Variants in RUNX1T1 observed in about 807,000 individuals in gnomAD.
The protein encoded by RUNX1T1 is protein CBFA2T1.
A neutral mutation model predicts 62.8 loss-of-function variants in RUNX1T1; 4 were observed. The ratio of observed to expected loss-of-function variants is 0.06; its 90% CI spans 0.03 to 0.15. The LOEUF (loss-of-function observed/expected upper bound fraction) is 0.15, where lower values mean the gene tolerates loss of function less well. RUNX1T1 is among the 10% of genes least tolerant of loss of function. The pLI, the probability that RUNX1T1 is intolerant of heterozygous loss-of-function variation, is 1.00. For synonymous variants in RUNX1T1, 291 were observed against 286.0 expected (o/e 1.02, Z -0.18); for missense variants, 508 against 754.3 (o/e 0.67, Z 3.82).
chr8:91,995,241 A>G (rs142869355), intron 5 of RUNX1T1, among the ~76,000 whole-genome samples: 24 of 152,294 alleles, frequency 1.6e-4, no homozygotes, highest in African/African-American at 4.1e-4. Flanking sequence ...TAGATACACA[A>G]TTTATCTTCA....
chr8:92,024,609 C>T (rs1042350746), intron 1 of RUNX1T1, among the ~76,000 whole-genome samples: 5 of 146,086 alleles, frequency 3.4e-5, no homozygotes, highest in Admixed American at 2.8e-4. Context: ...ATCCAAGAAA[C>T]ATGTACACTA....
intron 1 of RUNX1T1, among the ~76,000 whole-genome samples, chr8:92,060,300 C>T (rs1049054294): frequency 4.6e-5 from 7 of 151,722 alleles, no homozygotes; most frequent in Non-Finnish European, 1.0e-4. Flanking sequence ...ATGCTAGCAA[C>T]ATCTTTAAAA....
intron 5 of RUNX1T1, among the ~76,000 whole-genome samples, chr8:92,000,736 T>C (rs1165530020): frequency 1.3e-5 from 2 of 152,170 alleles, no homozygotes; most frequent in Admixed American, 1.3e-4. Flanking sequence ...ACTGACTCAT[T>C]AAGCCAGGAA....
At chr8:92,004,350 T>G (rs1820325542) in intron 5 of RUNX1T1, 1 of 152,262 alleles carries the variant, frequency 6.6e-6, no homozygotes, top group Non-Finnish European at 1.5e-5. Context: ...AATAAGACTT[T>G]GCATTCCTAT....
chr8:92,025,202 C>A (rs2131255682), intron 1 of RUNX1T1, among the ~76,000 whole-genome samples: 1 of 152,296 alleles, frequency 6.6e-6, no homozygotes, highest in South Asian at 2.1e-4. Flanking sequence ...CAAACCACAT[C>A]CAGTTATTTT....
At chr8:91,989,816 C>G (rs1817295490) in intron 6 of RUNX1T1, among the ~76,000 whole-genome samples, 1 of 152,150 alleles carries the variant, frequency 6.6e-6, no homozygotes, top group Admixed American at 6.5e-5. Context: ...AAATATCAAT[C>G]CAGATCAAGA....
intron 10 of RUNX1T1, among the ~76,000 whole-genome samples, chr8:91,961,010 A>T (rs1433687171): frequency 2.0e-5 from 3 of 152,226 alleles, no homozygotes; most frequent in Non-Finnish European, 4.4e-5. Context: ...TAGATAAGGG[A>T]TTCTATTCCC....
chr8:92,044,854 A>C (rs927016557), intron 1 of RUNX1T1, among the ~76,000 whole-genome samples: 1 of 152,178 alleles, frequency 6.6e-6, no homozygotes, highest in Non-Finnish European at 1.5e-5. Context: ...ATTACCCTCC[A>C]CCTGGAAACC....
chr8:92,000,186 T>C (rs1400568852), intron 5 of RUNX1T1, among the ~76,000 whole-genome samples: 1 of 151,910 alleles, frequency 6.6e-6, no homozygotes, highest in African/African-American at 2.4e-5. Context: ...AGGCATCTGA[T>C]ACCTCTCTAC....
intron 5 of RUNX1T1, among the ~76,000 whole-genome samples, chr8:91,998,298 T>C (rs758703373): frequency 5.3e-5 from 8 of 152,224 alleles, no homozygotes; most frequent in African/African-American, 1.9e-4. Context: ...TAATTCTTCA[T>C]GACAACCTGC....
intron 10 of RUNX1T1, 93 bp downstream of exon 11, chr8:91,970,560 TCCAAA>T: frequency 8.8e-7 from 1 of 1,133,882 alleles, no homozygotes; most frequent in Non-Finnish European, 1.2e-6. Flanking sequence ...TAAATTTTTT[TCCAAA>T]TATTTATCTA....
intron 10 of RUNX1T1, among the ~76,000 whole-genome samples, chr8:91,961,618 G>A (rs1030627480): frequency 4.6e-5 from 7 of 152,188 alleles, no homozygotes; most frequent in African/African-American, 1.4e-4. Flanking sequence ...GCCCTAAGCA[G>A]GCAAGGAGGA....
chr8:92,101,265 C>T (rs1324199193), upstream of RUNX1T1, among the ~76,000 whole-genome samples: 1 of 152,184 alleles, frequency 6.6e-6, no homozygotes, highest in Non-Finnish European at 1.5e-5. Context: ...AATCAATCTG[C>T]AGCAGCTGCG....
At chr8:91,957,574 AT>A (rs1489949553), downstream of RUNX1T1, 1 of 231,026 alleles carries the variant, frequency 4.3e-6, no homozygotes, top group African/African-American at 2.2e-5. Flanking sequence ...ACTAATCCTT[AT>A]TTTACACACT....
intron 4 of RUNX1T1, among the ~76,000 whole-genome samples, chr8:92,008,676 G>A (rs988999343): frequency 6.6e-6 from 1 of 152,060 alleles, no homozygotes; most frequent in Admixed American, 6.6e-5. Flanking sequence ...GCATTCGCTG[G>A]CTCCCATCCA....
At chr8:92,017,399 C>A in intron 1 of RUNX1T1, 36 bp from the exon 3 acceptor site, 1 of 1,613,930 alleles carries the variant, frequency 6.2e-7, no homozygotes, top group Non-Finnish European at 8.5e-7. Context: ...TATTTTACTC[C>A]TTAAGCACCT....
In RUNX1T1 at chr8:91,959,412, T is replaced by TTGTGTG. The variant is rs56037232; in HGVS notation, c.*824_*829dup. On this transcript the variant is annotated 3_prime_UTR_variant, in exon 11 of 11. Coordinates refer to ENST00000396218, the Ensembl canonical transcript of RUNX1T1. ...ATTAACTGCAGGCTGAGTCTCTTACTTGTGTGTGTGTGTGTGTGTGTGTGT... is the reference window on the plus strand; with the variant it reads ...ATTAACTGCAGGCTGAGTCTCTTACTTGTGTGTGTGTGTGTGTGTGTGTGTGTGTGT... The TTGTGTG allele has an allele frequency of 2.7e-3, 379 of 139,404 alleles. 4 individuals are homozygous for TTGTGTG. The highest frequency in any genetic ancestry group is 3.6e-3 in the Admixed American group (39 of 10,734). The allele number at this position is 139,404 out of a possible 1,614,324, so 8.6% of individuals were successfully genotyped here. A position where few individuals can be genotyped will look rare whatever the true frequency, so the allele number is the denominator to read the frequency against.
At chr8:91,963,443 C>A (rs964739547) in intron 10 of RUNX1T1, among the ~76,000 whole-genome samples, 16 of 151,990 alleles carry the variant, frequency 1.1e-4, no homozygotes, top group African/African-American at 3.6e-4. Flanking sequence ...CGCTCCAATG[C>A]GCATATTCAT....
At chr8:91,982,501 T>C (rs1254274886) in intron 8 of RUNX1T1, among the ~76,000 whole-genome samples, 4 of 152,194 alleles carry the variant, frequency 2.6e-5, no homozygotes, top group Non-Finnish European at 5.9e-5. Context: ...ACATACAAAG[T>C]GCTAACCAGC....
Sources: allele counts gnomAD v4.1 joint callset (sites outside exome capture counted in the v4.1 genomes callset), GRCh38; gene constraint gnomAD v4.1.1; transcripts MANE v1.5; gene names NCBI Gene and HGNC (gene_info 2026-07-23, HGNC 2026-07-21).